SELENOF: variants seen among roughly 807,000 people sequenced by gnomAD.
SELENOF encodes the protein 15 kDa selenoprotein.
A neutral mutation model predicts 20.5 loss-of-function variants in SELENOF; 16 were observed. The observed-to-expected ratio is 0.78, with a 90% CI of 0.53 to 1.19. The LOEUF is 1.19. Ranked by LOEUF, SELENOF falls within the 50% of genes most tolerant of loss-of-function variation. The pLI is 0.00. For synonymous variants in SELENOF, 78 were observed against 74.5 expected, an observed-to-expected ratio of 1.05 and a Z score of -0.24; for missense variants, 215 against 194.2, an observed-to-expected ratio of 1.11 and a Z score of -0.64.
chr1:86,913,226 C>T (rs1660034307), intron 1 of SELENOF, among the ~76,000 whole-genome samples: 2 of 152,036 alleles, frequency 1.3e-5, no homozygotes, highest in Non-Finnish European at 2.9e-5. Flanking sequence ...TAGAGACTAC[C>T]CGAAGAATTA....
upstream of SELENOF, chr1:86,914,134 TAGA>T: frequency 6.2e-7 from 1 of 1,612,620 alleles, no homozygotes; most frequent in Non-Finnish European, 8.5e-7. Context: ...TCTGGCTGCC[TAGA>T]AGGACCCCTA....
At chr1:86,883,953 G>A (rs1424052011) in intron 2 of SELENOF, among the ~76,000 whole-genome samples, 1 of 152,176 alleles carries the variant, frequency 6.6e-6, no homozygotes, top group African/African-American at 2.4e-5. Flanking sequence ...CAGCTCAGAT[G>A]TGACCTTTTT....
intron 2 of SELENOF, among the ~76,000 whole-genome samples, chr1:86,897,279 C>G (rs1214280467): frequency 6.6e-6 from 1 of 152,138 alleles, no homozygotes; most frequent in African/African-American, 2.4e-5. Context: ...AAGAGTGAAA[C>G]TCCGTCTTGG....
chr1:86,878,469 C>G (rs1318182728), intron 3 of SELENOF, among the ~76,000 whole-genome samples: 7 of 152,224 alleles, frequency 4.6e-5, no homozygotes, highest in African/African-American at 1.7e-4. Context: ...CACCTGATGT[C>G]AGGAGTTCGA....
intron 3 of SELENOF, among the ~76,000 whole-genome samples, chr1:86,877,311 T>C (rs1197495464): frequency 6.6e-6 from 1 of 152,164 alleles, no homozygotes; most frequent in Non-Finnish European, 1.5e-5. Flanking sequence ...AGAAAATCAA[T>C]GAAGATAATG....
chr1:86,866,928 G>A (rs1170187418), intron 4 of SELENOF, among the ~76,000 whole-genome samples: 2 of 152,166 alleles, frequency 1.3e-5, no homozygotes, highest in Non-Finnish European at 2.9e-5. Flanking sequence ...AATCTTAACT[G>A]TATGACCCAG....
At chr1:86,874,101 T>A (rs1658861520) in intron 3 of SELENOF, among the ~76,000 whole-genome samples, 1 of 151,182 alleles carries the variant, frequency 6.6e-6, no homozygotes, top group Non-Finnish European at 1.5e-5. Context: ...GGTCACACAA[T>A]AAAAAAATCA....
chr1:86,908,690 G>A (rs1296613652), intron 1 of SELENOF, among the ~76,000 whole-genome samples: 3 of 152,102 alleles, frequency 2.0e-5, no homozygotes, highest in Non-Finnish European at 2.9e-5. Context: ...ATGGAGTGGG[G>A]GGCATCTCAG....
At chr1:86,882,999 C>T (rs1292827870) in intron 2 of SELENOF, among the ~76,000 whole-genome samples, 3 of 151,790 alleles carry the variant, frequency 2.0e-5, no homozygotes, top group South Asian at 2.1e-4. Context: ...TGGTGGCAGG[C>T]GCCTTAATCC....
intron 2 of SELENOF, among the ~76,000 whole-genome samples, chr1:86,890,694 C>T (rs1442949606): frequency 6.7e-6 from 1 of 150,130 alleles, no homozygotes; most frequent in Non-Finnish European, 1.5e-5. Context: ...AGATGGAGGT[C>T]TTGGTCTTGC....
chr1:86,876,240 T>C (rs548298606), intron 3 of SELENOF, among the ~76,000 whole-genome samples: 1 of 152,242 alleles, frequency 6.6e-6, no homozygotes, highest in East Asian at 1.9e-4. Flanking sequence ...GGTGACTAAC[T>C]GGATATAACG....
At chr1:86,874,730 G>A (rs58876029) in intron 3 of SELENOF, among the ~76,000 whole-genome samples, 3,871 of 152,104 alleles carry the variant, frequency 0.025, 87 homozygotes, top group African/African-American at 0.056. Context: ...TCACAAACAC[G>A]TGAAAATATA....
At chr1:86,875,738 G>A (rs1658908700) in intron 3 of SELENOF, among the ~76,000 whole-genome samples, 1 of 152,150 alleles carries the variant, frequency 6.6e-6, no homozygotes, top group African/African-American at 2.4e-5. Flanking sequence ...TCTTATGTAG[G>A]AGGTGTTATG....
intron 2 of SELENOF, among the ~76,000 whole-genome samples, chr1:86,889,013 G>A (rs536042): frequency 0.26 from 39,402 of 152,042 alleles, 6,292 homozygotes; most frequent in African/African-American, 0.45. Flanking sequence ...AAATTAAATT[G>A]TGGTATCTCC....
intron 2 of SELENOF, among the ~76,000 whole-genome samples, chr1:86,899,910 G>A (rs1659642458): frequency 6.6e-6 from 1 of 151,418 alleles, no homozygotes; most frequent in Non-Finnish European, 1.5e-5. Context: ...CTCCCAGACG[G>A]GGTCGCGGCC....
At chr1:86,889,310 T>C (rs1659317151) in intron 2 of SELENOF, among the ~76,000 whole-genome samples, 1 of 152,134 alleles carries the variant, frequency 6.6e-6, no homozygotes. Flanking sequence ...AAAATAAAAC[T>C]GTTGGCTGGG....
At chr1:86,877,491 A>G (rs563101806) in intron 3 of SELENOF, among the ~76,000 whole-genome samples, 2 of 152,348 alleles carry the variant, frequency 1.3e-5, no homozygotes, top group African/African-American at 4.8e-5. Flanking sequence ...GCATACATAG[A>G]ATGACATATC....
chr1:86,892,689 G>A (rs967760586), intron 2 of SELENOF, among the ~76,000 whole-genome samples: 1 of 152,062 alleles, frequency 6.6e-6, no homozygotes, highest in African/African-American at 2.4e-5. Context: ...CTCTTTTACC[G>A]AATTAAGAAA....
chr1:86,885,591 G>A lies in SELENOF; in HGVS notation c.253-4866C>T, dbSNP rs888562958. 3.9e-5 allele frequency among the ~76,000 whole-genome samples: 6 copies of A among 152,254 alleles called. No individual in the cohort carries two copies. In the East Asian group the frequency reaches 9.6e-4, roughly 24 times the overall value. ...TCAGAAATACTCTACTTTCCAATAC[G>A]AAGCACTTAAAGTATTTTTGTTGGT... On this transcript the variant is annotated intron_variant, in intron 2 of 4. Transcript: ENST00000331835.
Sources: gnomAD v4.1 joint callset for allele counts (sites outside exome capture counted in the v4.1 genomes callset) on GRCh38, gnomAD v4.1.1 for gene constraint, MANE v1.5 for transcripts, NCBI Gene and HGNC (gene_info 2026-07-23, HGNC 2026-07-21) for gene names.